Variants in GRM5 observed in about 807,000 individuals in gnomAD.
The protein encoded by GRM5 is glutamate metabotropic receptor 5, also known as metabotropic glutamate receptor 5.
GRM5 carries 19 observed loss-of-function variants against 83.1 expected under a neutral mutation model. That is an observed-to-expected ratio of 0.23 (90% CI 0.16 to 0.34). The LOEUF (loss-of-function observed/expected upper bound fraction) is 0.34. GRM5 is among the 10% of genes least tolerant of loss of function. The pLI, the probability that GRM5 is intolerant of heterozygous loss-of-function variation, is 1.00. For missense variants in GRM5, 1,160 were observed against 1,588.3 expected (o/e 0.73, Z 4.58); for synonymous variants, 675 against 633.6 (o/e 1.07, Z -0.98).
At chr11:88,950,153 C>T (rs919856045) in intron 2 of GRM5, among the ~76,000 whole-genome samples, 8 of 151,694 alleles carry the variant, frequency 5.3e-5, no homozygotes, top group Admixed American at 2.6e-4. Context: ...GGATTACAGG[C>T]GTGAGCCACC....
chr11:88,834,586 G>C (rs11021525), intron 3 of GRM5, among the ~76,000 whole-genome samples: 4,486 of 130,350 alleles, frequency 0.034, 71 homozygotes, highest in Middle Eastern at 0.067. Context: ...ACCTACGAAG[G>C]CTTCCTTTAA....
intron 2 of GRM5, among the ~76,000 whole-genome samples, chr11:88,941,552 GGAGGAGGAGAGGAGGA>G (rs1269786163): frequency 1.3e-5 from 1 of 78,500 alleles, no homozygotes; most frequent in Admixed American, 1.3e-4. Flanking sequence ...GGAGAGAGGA[GGAGGAGGAGAGGAGGA>G]GAGGAGGAGA....
At chr11:88,764,458 C>T (rs1942588405) in intron 3 of GRM5, among the ~76,000 whole-genome samples, 1 of 151,574 alleles carries the variant, frequency 6.6e-6, no homozygotes, top group South Asian at 2.1e-4. Flanking sequence ...TATTTTACCA[C>T]AAATTAAGTC....
intron 2 of GRM5, chr11:89,009,136 T>G (rs1252045581): frequency 1.4e-6 from 1 of 704,668 alleles, no homozygotes. Flanking sequence ...ATGTATAAGA[T>G]AAGCAAAGGT....
intron 3 of GRM5, among the ~76,000 whole-genome samples, chr11:88,848,462 T>A (rs145312440): frequency 8.6e-4 from 131 of 152,294 alleles, no homozygotes; most frequent in Middle Eastern, 3.4e-3. Flanking sequence ...TAATAAGCCA[T>A]CAAAAGTTAA....
intron 3 of GRM5, among the ~76,000 whole-genome samples, chr11:88,776,770 A>G (rs905383560): frequency 2.6e-5 from 4 of 151,918 alleles, no homozygotes; most frequent in African/African-American, 9.7e-5. Context: ...ATTGGCCCCC[A>G]CTCTCTTCTG....
At chr11:88,896,021 G>T (rs1339066139) in intron 2 of GRM5, among the ~76,000 whole-genome samples, 3 of 151,948 alleles carry the variant, frequency 2.0e-5, no homozygotes, top group African/African-American at 7.2e-5. Flanking sequence ...TCCAGGCAAA[G>T]AAATGGACAA....
At chr11:88,755,411 T>G (rs1283836307) in intron 3 of GRM5, among the ~76,000 whole-genome samples, 2 of 152,200 alleles carry the variant, frequency 1.3e-5, no homozygotes, top group African/African-American at 4.8e-5. Flanking sequence ...ACCATATCTG[T>G]GTAGGTTAGG....
At position 88,752,883 on chromosome 11, in the gene GRM5, C is replaced by T. The variant is rs562079390; in HGVS notation, c.911+97023G>A. ...AAGATTTCTTATTTAATAAATGGTG[C>T]TCAAAGAACAGGTTAGCTATATCCA... On this transcript the variant is annotated intron_variant, in intron 3 of 9. Coordinates refer to ENST00000305447, the MANE Select transcript of GRM5 (RefSeq NM_001143831.3). Among the ~76,000 whole-genome samples the T allele has an allele frequency of 7.2e-5, 11 of 152,238 alleles. No homozygotes were observed. In the South Asian group the frequency reaches 2.3e-3, roughly 32 times the overall value.
intron 2 of GRM5, among the ~76,000 whole-genome samples, chr11:88,980,738 G>T (rs2135022576): frequency 6.6e-6 from 1 of 152,090 alleles, no homozygotes; most frequent in African/African-American, 2.4e-5. Flanking sequence ...CAGGAGAATG[G>T]CATGAACCCG....
chr11:88,609,997 C>T (rs1938270216), intron 4 of GRM5, among the ~76,000 whole-genome samples: 1 of 152,134 alleles, frequency 6.6e-6, no homozygotes. Context: ...GAAGTCCTTT[C>T]CCCACTGTTT....
intron 3 of GRM5, among the ~76,000 whole-genome samples, chr11:88,829,536 G>C (rs1165882675): frequency 2.6e-5 from 4 of 151,894 alleles, no homozygotes; most frequent in Admixed American, 6.6e-5. Context: ...ACCAAAGAGA[G>C]TATCTAAAAT....
intron 8 of GRM5, among the ~76,000 whole-genome samples, chr11:88,553,131 A>C (rs1201595405): frequency 1.3e-5 from 2 of 152,196 alleles, no homozygotes; most frequent in Non-Finnish European, 2.9e-5. Context: ...ACAAGTCCTG[A>C]AGTTGGACTT....
At chr11:88,594,677 G>C (rs1349079274) in intron 6 of GRM5, among the ~76,000 whole-genome samples, 1 of 151,692 alleles carries the variant, frequency 6.6e-6, no homozygotes, top group Non-Finnish European at 1.5e-5. Flanking sequence ...CTTCTTTCTG[G>C]TCTTATGCTT....
At chr11:88,513,569 T>C (rs975672449) in intron 9 of GRM5, among the ~76,000 whole-genome samples, 2 of 152,062 alleles carry the variant, frequency 1.3e-5, no homozygotes, top group Non-Finnish European at 2.9e-5. Context: ...AATCACAAAA[T>C]AATTCCTTCT....
chr11:88,637,643 A>T (rs1343196886), intron 4 of GRM5, among the ~76,000 whole-genome samples: 1 of 146,638 alleles, frequency 6.8e-6, no homozygotes, highest in Non-Finnish European at 1.5e-5. Context: ...ATCATTAAAA[A>T]GTCAGGAAAC....
chr11:89,029,352 A>G (rs887018409), intron 2 of GRM5, among the ~76,000 whole-genome samples: 1 of 152,214 alleles, frequency 6.6e-6, no homozygotes, highest in African/African-American at 2.4e-5. Flanking sequence ...AATAGGAAAT[A>G]AGCTGTGATA....
intron 3 of GRM5, among the ~76,000 whole-genome samples, chr11:88,837,401 T>C (rs11828757): frequency 0.13 from 19,953 of 152,122 alleles, 2,854 homozygotes; most frequent in African/African-American, 0.36. Flanking sequence ...AATAATAGCT[T>C]ACAAATAGAA....
intron 3 of GRM5, among the ~76,000 whole-genome samples, chr11:88,764,779 C>T (rs761227648): frequency 2.6e-4 from 40 of 151,218 alleles, no homozygotes; most frequent in Non-Finnish European, 1.0e-4. Flanking sequence ...AGCAACCTAA[C>T]TTTAAGATAC....
Sources: allele counts gnomAD v4.1 joint callset (sites outside exome capture counted in the v4.1 genomes callset), GRCh38; gene constraint gnomAD v4.1.1; transcripts MANE v1.5; gene names NCBI Gene and HGNC (gene_info 2026-07-23, HGNC 2026-07-21).